Variants in KCTD4 observed in about 807,000 individuals in gnomAD.
KCTD4 encodes potassium channel tetramerization domain containing 4.
A neutral mutation model predicts 18.3 loss-of-function variants in KCTD4; 12 were observed. The ratio of observed to expected loss-of-function variants is 0.66; its 90% confidence interval spans 0.42 to 1.06. KCTD4 has a LOEUF of 1.06. KCTD4 is among the 50% of genes least tolerant of loss of function. KCTD4 has a pLI of 0.00. For missense variants in KCTD4, 250 were observed against 303.4 expected, an observed-to-expected ratio of 0.82 and a Z score of 1.31; for synonymous variants, 124 against 110.5, an observed-to-expected ratio of 1.12 and a Z score of -0.76.
At chr13:45,198,857 T>C (rs758620841) in intron 1 of KCTD4, among the ~76,000 whole-genome samples, 1 of 152,236 alleles carries the variant, frequency 6.6e-6, no homozygotes, top group Non-Finnish European at 1.5e-5. Flanking sequence ...ATGAATATTT[T>C]GTGTTGGCTT....
At chr13:45,198,514 G>A (rs1197911103) in intron 1 of KCTD4, among the ~76,000 whole-genome samples, 2 of 152,160 alleles carry the variant, frequency 1.3e-5, no homozygotes, top group East Asian at 3.8e-4. Context: ...TAAGAACAGG[G>A]AGCTTCTGTC....
chr13:45,194,035 CT>C lies in KCTD4; in HGVS notation c.532del (p.Ser178AlafsTer23). On this transcript the variant is annotated frameshift_variant, in exon 2 of 2. Coordinates refer to ENST00000379108, the MANE Select transcript of KCTD4 (RefSeq NM_198404.3). LOFTEE classifies it high-confidence loss of function. ...IKSRIVLVSK[S>X]RLDGFPEEFS... ...CTCCTCTGGAAATCCATCCAGCCTGCTTTTGGACACCAGAACAATGCGAGAC... is the reference window on the plus strand; with the variant it reads ...CTCCTCTGGAAATCCATCCAGCCTGCTTTGGACACCAGAACAATGCGAGAC... 6.2e-7 allele frequency: 1 copy of C among 1,614,128 alleles called. No individual in the cohort carries two copies. Among genetic ancestry groups the C allele is most frequent in the African/African-American group, 1.3e-5 (1 of 75,042 alleles).
intron 1 of KCTD4, among the ~76,000 whole-genome samples, chr13:45,195,106 T>C (rs1358968519): frequency 6.6e-6 from 1 of 152,140 alleles, no homozygotes; most frequent in Non-Finnish European, 1.5e-5. Context: ...CCGGAAAAAG[T>C]CACACATTTC....
intron 1 of KCTD4, among the ~76,000 whole-genome samples, chr13:45,195,097 C>T (rs764662622): frequency 3.3e-5 from 5 of 151,956 alleles, no homozygotes; most frequent in East Asian, 1.9e-4. Flanking sequence ...TTTTCTTTCC[C>T]GGAAAAAGTC....
intron 1 of KCTD4, among the ~76,000 whole-genome samples, chr13:45,196,715 A>G (rs775918251): frequency 3.3e-5 from 5 of 152,210 alleles, no homozygotes; most frequent in Non-Finnish European, 5.9e-5. Context: ...ATGTGGATAG[A>G]TACTATGTAC....
Position 45,193,968 on chromosome 13 carries a change from T to C in KCTD4, c.600A>G (p.Ile200Met), listed in dbSNP as rs745619832. Reference protein sequence around the residue: ...SSNIIQFKYFIKSENGTRLVL... With the variant: ...SSNIIQFKYFMKSENGTRLVL... Reference sequence around the variant, plus strand: ...CAAGTCGAGTGCCATTTTCAGACTTTATGAAGTATTTAAATTGGATGATAT... The same window carrying C: ...CAAGTCGAGTGCCATTTTCAGACTTCATGAAGTATTTAAATTGGATGATAT... The change falls in exon 2 of 2, where the codon ATA becomes ATG. Residue 200 changes from isoleucine (I) to methionine (M), a missense_variant. By Grantham distance (10) the Ile-to-Met change is conservative. Coordinates refer to ENST00000379108, the MANE Select transcript of KCTD4 (RefSeq NM_198404.3). The C allele has an allele frequency of 4.3e-6, 7 of 1,613,986 alleles. No homozygotes were observed. Among genetic ancestry groups the C allele is most frequent in the Middle Eastern group, 3.3e-4 (2 of 6,082 alleles).
chr13:45,199,669 C>A (rs930380701), intron 1 of KCTD4, among the ~76,000 whole-genome samples: 3 of 152,224 alleles, frequency 2.0e-5, no homozygotes, highest in South Asian at 4.2e-4. Flanking sequence ...TGGCAAAATG[C>A]AATTTTACTT....
At chr13:45,198,417 A>T (rs1221643103) in intron 1 of KCTD4, among the ~76,000 whole-genome samples, 4 of 152,360 alleles carry the variant, frequency 2.6e-5, no homozygotes, top group Middle Eastern at 3.4e-3. Context: ...AAAAAGTATG[A>T]TAATTCTCCT....
At chr13:45,200,167 G>A (rs1427956532) in intron 1 of KCTD4, among the ~76,000 whole-genome samples, 1 of 152,078 alleles carries the variant, frequency 6.6e-6, no homozygotes, top group African/African-American at 2.4e-5. Flanking sequence ...TATTTGAGCA[G>A]CTCTGTGAGC....
rs751100423 is a variant in KCTD4 at position 45,193,949 on chromosome 13, G to A, written c.619C>T (p.Arg207Ter). Residue 207 changes from arginine (R) to a stop codon, truncating the protein, a stop_gained, in exon 2 of 2, where the codon CGA becomes TGA. Transcript: ENST00000379108. LOFTEE classifies it high-confidence loss of function. ...KYFIKSENGT[R>*]LVLKEDNTFV... ...GTGTTGTCTTCCTTTAGTACAAGTCGAGTGCCATTTTCAGACTTTATGAAG... is the reference window on the plus strand; with the variant it reads ...GTGTTGTCTTCCTTTAGTACAAGTCAAGTGCCATTTTCAGACTTTATGAAG... 8.7e-6 allele frequency: 14 copies of A among 1,613,888 alleles called. No individual in the cohort carries two copies. Among genetic ancestry groups the A allele is most frequent in the Admixed American group, 6.7e-5 (4 of 59,976 alleles).
At chr13:45,197,341 TA>T (rs67534725) in intron 1 of KCTD4, among the ~76,000 whole-genome samples, 26,650 of 136,934 alleles carry the variant, frequency 0.19, 2,532 homozygotes, top group Non-Finnish European at 0.23. Flanking sequence ...TACCAAAAAT[TA>T]AAAAAAAAAA....
In KCTD4 at chr13:45,193,934, C is replaced by G. The variant is rs1872759022; in HGVS notation, c.634G>C (p.Glu212Gln). 11 of 1,613,956 alleles carry G rather than the reference C, an allele frequency of 6.8e-6. No individual in the cohort carries two copies. Among genetic ancestry groups the G allele is most frequent in the African/African-American group, 1.3e-5 (1 of 74,906 alleles). Residue 212 changes from glutamate to glutamine, a missense_variant, in exon 2 of 2, where the codon GAA becomes CAA. Physicochemically the swap from Glu to Gln is conservative, Grantham distance 29. Transcript: ENST00000379108. ...AAGGTACAGACAAAGGTGTTGTCTT[C>G]CTTTAGTACAAGTCGAGTGCCATTT... Reference protein sequence around the residue: ...SENGTRLVLKEDNTFVCTLET... With the variant: ...SENGTRLVLKQDNTFVCTLET...
Position 45,194,626 on chromosome 13 carries a change from C to T in KCTD4, c.-59G>A. 1.4e-6 allele frequency: 2 copies of T among 1,428,536 alleles called. No homozygotes were observed. The highest frequency in any genetic ancestry group is 1.9e-6 in the Non-Finnish European group (2 of 1,037,574). The allele number at this position is 1,428,536 out of a possible 1,614,324, so 88.5% of individuals were successfully genotyped here. On this transcript the variant is annotated 5_prime_UTR_variant, in exon 2 of 2. Coordinates refer to ENST00000379108, the MANE Select transcript of KCTD4 (RefSeq NM_198404.3). ...GGCTTTGAGATTTTTTAAAAAGAGA[C>T]ACTACCACACAAGCACGCCTTTATT...
Position 45,193,679 on chromosome 13 carries a change from C to T in KCTD4, c.*109G>A. On this transcript the variant is annotated 3_prime_UTR_variant, in exon 2 of 2. Coordinates refer to ENST00000379108, the MANE Select transcript of KCTD4 (RefSeq NM_198404.3). ...TCACAGTAATTGATTAGTAGCAGGG[C>T]TCTGTAGTACAGAGCTAGCTGGGCA... is the stretch of plus-strand genomic sequence containing the variant. 5 of 966,390 alleles carry T rather than the reference C, an allele frequency of 5.2e-6. No individual in the cohort carries two copies. Among genetic ancestry groups the T allele is most frequent in the Non-Finnish European group, 7.8e-6 (5 of 640,896 alleles). 59.9% of individuals were successfully genotyped at this position (966,390 alleles called of 1,614,324 possible).
In KCTD4 at chr13:45,194,260, C is replaced by G; in HGVS notation, c.308G>C (p.Gly103Ala). ...LRNGELLLPEGFRENQLLAQE... is the reference protein window; with the variant it reads ...LRNGELLLPEAFRENQLLAQE... Reference sequence around the variant, plus strand: ...TGCAAGAAGTTGATTTTCTCGAAACCCTTCGGGCAATAGAAGTTCTCCATT... The same window carrying G: ...TGCAAGAAGTTGATTTTCTCGAAACGCTTCGGGCAATAGAAGTTCTCCATT... Residue 103 changes from glycine (G) to alanine (A), a missense_variant, in exon 2 of 2, where the codon GGG becomes GCG. Transcript: ENST00000379108. 1.2e-6 allele frequency: 2 copies of G among 1,614,124 alleles called. No individual in the cohort carries two copies. Among genetic ancestry groups the G allele is most frequent in the Non-Finnish European group, 1.7e-6 (2 of 1,180,010 alleles).
chr13:45,194,464 A>G lies in KCTD4; in HGVS notation c.104T>C (p.Met35Thr). 5 of 1,614,162 alleles carry G rather than the reference A, an allele frequency of 3.1e-6. No individual in the cohort carries two copies. The Middle Eastern group carries it at 6.6e-4, about 213-fold the overall frequency. ...DQGKNCKSTL[M>T]TLNVGGYLYI... Reference sequence around the variant, plus strand: ...TAAATATCCACCAACGTTGAGGGTCATCAGTGTGGATTTGCAGTTCTTTCC... The same window carrying G: ...TAAATATCCACCAACGTTGAGGGTCGTCAGTGTGGATTTGCAGTTCTTTCC... The change falls in exon 2 of 2, where the codon ATG becomes ACG. Residue 35 changes from methionine to threonine, a missense_variant. Coordinates refer to ENST00000379108, the MANE Select transcript of KCTD4 (RefSeq NM_198404.3).
rs1032909713 is a variant in KCTD4, at chr13:45,200,857, T to A, written c.-221A>T. Among the ~76,000 whole-genome samples, 1 of 152,206 alleles carries A rather than the reference T, an allele frequency of 6.6e-6. No homozygotes were observed. Among genetic ancestry groups the A allele is most frequent in the Non-Finnish European group, 1.5e-5 (1 of 68,032 alleles). ...TGAAAAGATTATTTCTTCAGTCTTT[T>A]CCCAGAGAGTGTCGACACAGGTGTG... On this transcript the variant is annotated 5_prime_UTR_variant, in exon 1 of 2. Transcript: ENST00000379108.
Position 45,193,618 on chromosome 13 carries a change from G to T in KCTD4, c.*170C>A. ...GATCAGTAGGAACACCCCAGAGGAA[G>T]GACATCTTTAGCGATAGAATTTACA... On this transcript the variant is annotated 3_prime_UTR_variant, in exon 2 of 2. Coordinates refer to ENST00000379108, the MANE Select transcript of KCTD4 (RefSeq NM_198404.3). The T allele has an allele frequency of 1.7e-6, 1 of 600,134 alleles. No homozygotes were observed. The highest frequency in any genetic ancestry group is 2.9e-6 in the Non-Finnish European group (1 of 346,822). The allele number at this position is 600,134 out of a possible 1,614,324, so 37.2% of individuals were successfully genotyped here.
At chr13:45,199,271 A>G (rs748654729) in intron 1 of KCTD4, among the ~76,000 whole-genome samples, 6 of 152,238 alleles carry the variant, frequency 3.9e-5, no homozygotes, top group Non-Finnish European at 7.3e-5. Flanking sequence ...GCTTCATTTG[A>G]GGAGTATAGA....
Sources: gnomAD v4.1 joint callset for allele counts (sites outside exome capture counted in the v4.1 genomes callset) on GRCh38, gnomAD v4.1.1 for gene constraint, MANE v1.5 for transcripts, NCBI Gene and HGNC (gene_info 2026-07-23, HGNC 2026-07-21) for gene names.